PRKN: variants seen among roughly 807,000 people sequenced by gnomAD.
PRKN encodes E3 ubiquitin-protein ligase parkin.
A neutral mutation model predicts 59.5 loss-of-function variants in PRKN; 56 were observed. The ratio of observed to expected loss-of-function variants is 0.94; its 90% CI spans 0.76 to 1.18. PRKN has a LOEUF of 1.18. Ranked by LOEUF, PRKN falls within the 50% of genes most tolerant of loss-of-function variation. PRKN has a pLI of 0.00. For missense variants in PRKN, 657 were observed against 596.4 expected, an observed-to-expected ratio of 1.10 and a Z score of -1.06; for synonymous variants, 250 against 222.1, an observed-to-expected ratio of 1.13 and a Z score of -1.12.
intron 5 of PRKN, among the ~76,000 whole-genome samples, chr6:162,034,709 T>C (rs9458436): frequency 0.068 from 10,299 of 152,282 alleles, 900 homozygotes; most frequent in African/African-American, 0.2. Flanking sequence ...TTCATTCCAA[T>C]TGAAACCTAC....
Position 161,498,919 on chromosome 6 carries a change from G to A in PRKN, c.1083+49935C>T, listed in dbSNP as rs1043211119. Among the ~76,000 whole-genome samples, 10 of 152,104 alleles carry A rather than the reference G, an allele frequency of 6.6e-5. No homozygotes were observed. Among genetic ancestry groups the A allele is most frequent in the African/African-American group, 2.4e-4 (10 of 41,376 alleles). On this transcript the variant is annotated intron_variant, in intron 9 of 11. Coordinates refer to ENST00000366898, the MANE Select transcript of PRKN (RefSeq NM_004562.3). This position sits in a 1 kb window ranked among gnomAD's most constrained non-coding sequence, Gnocchi z 4.2. Reference sequence around the variant, plus strand: ...CAGAGATGGTCATGTTGAAGAGTGAGATGGGGTGAGTGTGTGTGTATGGGG... The same window carrying A: ...CAGAGATGGTCATGTTGAAGAGTGAAATGGGGTGAGTGTGTGTGTATGGGG...
At chr6:161,406,167 C>CAT (rs954062822) in intron 9 of PRKN, among the ~76,000 whole-genome samples, 2 of 151,074 alleles carry the variant, frequency 1.3e-5, no homozygotes, top group East Asian at 3.9e-4. Context: ...TATATATACA[C>CAT]ATATATATAC....
chr6:162,202,762 A>G (rs1161320553), intron 3 of PRKN, among the ~76,000 whole-genome samples: 1 of 152,248 alleles, frequency 6.6e-6, no homozygotes, highest in Admixed American at 6.5e-5. Context: ...ATATGTAAGT[A>G]AATGTTAATG....
chr6:161,561,661 G>A lies in PRKN; in HGVS notation c.933+7694C>T, dbSNP rs541551247. Among the ~76,000 whole-genome samples, 1 of 152,200 alleles carries A rather than the reference G, an allele frequency of 6.6e-6. No homozygotes were observed. Among genetic ancestry groups the A allele is most frequent in the Admixed American group, 6.5e-5 (1 of 15,298 alleles). On this transcript the variant is annotated intron_variant, in intron 8 of 11. Coordinates refer to ENST00000366898, the MANE Select transcript of PRKN (RefSeq NM_004562.3). The surrounding 1 kb of genome is among the most constrained non-coding windows in gnomAD (Gnocchi z 5.0). Reference sequence around the variant, plus strand: ...CGATTCCTCCCTCTCTGCTGGATCTGAGCCCTTCTTGCCTTCCAAAGTACT... The same window carrying A: ...CGATTCCTCCCTCTCTGCTGGATCTAAGCCCTTCTTGCCTTCCAAAGTACT...
chr6:161,461,619 G>A lies in PRKN; in HGVS notation c.1084-74742C>T, dbSNP rs1790229541. Among the ~76,000 whole-genome samples the A allele has an allele frequency of 6.6e-6, 1 of 152,148 alleles. No homozygotes were observed. The highest frequency in any genetic ancestry group is 1.5e-5 in the Non-Finnish European group (1 of 68,030). On this transcript the variant is annotated intron_variant, in intron 9 of 11. Transcript: ENST00000366898. The surrounding 1 kb of genome is among the most constrained non-coding windows in gnomAD (Gnocchi z 5.1). Reference sequence around the variant, plus strand: ...TATCAGTCAGCCACTGGAGATAAAAGGGTCTGGAATACATGCACGGAGGAT... The same window carrying A: ...TATCAGTCAGCCACTGGAGATAAAAAGGTCTGGAATACATGCACGGAGGAT...
intron 6 of PRKN, among the ~76,000 whole-genome samples, chr6:161,854,820 C>T (rs1488234314): frequency 6.6e-6 from 1 of 152,016 alleles, no homozygotes; most frequent in Admixed American, 6.6e-5. Flanking sequence ...CGCGGTGGCT[C>T]ATGCCTGTAA....
intron 9 of PRKN, among the ~76,000 whole-genome samples, chr6:161,495,114 T>C (rs1289253580): frequency 6.6e-6 from 1 of 152,260 alleles, no homozygotes; most frequent in African/African-American, 2.4e-5. Context: ...TATTTCATCC[T>C]GTAATCAGCA....
chr6:162,559,150 C>CAAAAAA (rs67508754), intron 1 of PRKN, among the ~76,000 whole-genome samples: 4 of 102,194 alleles, frequency 3.9e-5, no homozygotes, highest in South Asian at 3.5e-4. Context: ...GATTCCGTCT[C>CAAAAAA]AAAAAAAAAA....
intron 1 of PRKN, among the ~76,000 whole-genome samples, chr6:162,529,626 T>C (rs1778427483): frequency 6.6e-6 from 1 of 152,140 alleles, no homozygotes; most frequent in African/African-American, 2.4e-5. Context: ...ACAGAAGCCA[T>C]GTCTCAGGCA....
At chr6:162,213,729 T>C (rs1583208738) in intron 3 of PRKN, among the ~76,000 whole-genome samples, 1 of 150,546 alleles carries the variant, frequency 6.6e-6, no homozygotes, top group East Asian at 1.9e-4. Flanking sequence ...AATGACACCC[T>C]GCCTTAAAAA....
rs75329593 is a variant in PRKN at position 161,754,934 on chromosome 6, T to C, written c.871+30838A>G. Among the ~76,000 whole-genome samples the C allele has an allele frequency of 6.5e-3, 989 of 152,288 alleles. 11 individuals carry two copies. The highest frequency in any genetic ancestry group is 0.023 in the African/African-American group (949 of 41,554). On this transcript the variant is annotated intron_variant, in intron 7 of 11. Transcript: ENST00000366898. ...AAACAATGTTGAAGATGGCAGAGCC[T>C]GGTTTGAGAATCCCCACTCAGGGGG...
chr6:161,715,719 G>A (rs779433168), intron 7 of PRKN, among the ~76,000 whole-genome samples: 3 of 152,176 alleles, frequency 2.0e-5, no homozygotes, highest in Non-Finnish European at 4.4e-5. Context: ...TCAGCTGACA[G>A]AGGACGTTAC....
At position 161,960,658 on chromosome 6, in the gene PRKN, G is replaced by A. The variant is rs72571755; in HGVS notation, c.734+12644C>T. ...AACTGGGAAGGTGATGTGGAGTGAC[G>A]ATTAGTTACTATTAGCAAAAGGGTC... On this transcript the variant is annotated intron_variant, in intron 6 of 11. Transcript: ENST00000366898. Among the ~76,000 whole-genome samples, 105 of 152,304 alleles carry A rather than the reference G, an allele frequency of 6.9e-4. 2 individuals are homozygous for A. In the East Asian group the frequency reaches 0.019, roughly 27 times the overall value.
chr6:162,470,477 G>A (rs67648143), intron 1 of PRKN, among the ~76,000 whole-genome samples: 44,749 of 151,824 alleles, frequency 0.29, 6,836 homozygotes, highest in East Asian at 0.44. Context: ...GGTGGCAGGC[G>A]CTACTTGGGA....
chr6:161,939,398 G>A (rs1779470497), intron 6 of PRKN, among the ~76,000 whole-genome samples: 1 of 115,190 alleles, frequency 8.7e-6, no homozygotes, highest in Non-Finnish European at 1.6e-5. Flanking sequence ...AGGCCTGGGT[G>A]ACAGAGAGAG....
chr6:161,437,697 C>T (rs926019096), intron 9 of PRKN, among the ~76,000 whole-genome samples: 5 of 152,096 alleles, frequency 3.3e-5, no homozygotes, highest in South Asian at 2.1e-4. Context: ...ATTCTGACAT[C>T]GTATATTAAT....
chr6:162,165,241 G>C (rs1673915633), intron 4 of PRKN, among the ~76,000 whole-genome samples: 1 of 148,828 alleles, frequency 6.7e-6, no homozygotes, highest in Non-Finnish European at 1.5e-5. Context: ...AAAAAAATAG[G>C]AGAATATTTC....
chr6:162,287,883 C>T (rs1353318150), intron 2 of PRKN, among the ~76,000 whole-genome samples: 1 of 152,170 alleles, frequency 6.6e-6, no homozygotes, highest in African/African-American at 2.4e-5. Context: ...ATTTCAAAGG[C>T]TGGTCACACC....
At chr6:162,288,471 G>A (rs938457186) in intron 2 of PRKN, among the ~76,000 whole-genome samples, 1 of 152,140 alleles carries the variant, frequency 6.6e-6, no homozygotes, top group East Asian at 1.9e-4. Context: ...TATCCCCGGC[G>A]GGCCTGAACT....
Sources: gnomAD v4.1 joint callset for allele counts (sites outside exome capture counted in the v4.1 genomes callset) on GRCh38, gnomAD v4.1.1 for gene constraint, Gnocchi (gnomAD v3.1) non-coding constraint, MANE v1.5 for transcripts, NCBI Gene and HGNC (gene_info 2026-07-23, HGNC 2026-07-21) for gene names.